The following MPZL1 variants were observed in gnomAD, a reference collection of about 807,000 sequenced individuals.
MPZL1 encodes the protein myelin protein zero like 1, also known as myelin protein zero-like protein 1.
In MPZL1, 16 loss-of-function variants were observed where a neutral mutation model predicts 29.3. The observed-to-expected ratio is 0.55, with a 90% CI of 0.37 to 0.83. MPZL1 has a LOEUF of 0.83. MPZL1 is among the 40% of genes least tolerant of loss of function. The pLI, the probability that MPZL1 is intolerant of heterozygous loss-of-function variation, is 0.00. For synonymous variants in MPZL1, 143 were observed against 132.0 expected (o/e 1.08, Z -0.57); for missense variants, 279 against 332.9 (o/e 0.84, Z 1.26).
intron 1 of MPZL1, among the ~76,000 whole-genome samples, chr1:167,725,356 A>C (rs1449491446): frequency 6.6e-6 from 1 of 152,190 alleles, no homozygotes; most frequent in East Asian, 1.9e-4. Flanking sequence ...ATCTCGGCTT[A>C]CTGCAACCTC....
At chr1:167,787,572 A>G (rs1661615082) in intron 5 of MPZL1, among the ~76,000 whole-genome samples, 1 of 152,210 alleles carries the variant, frequency 6.6e-6, no homozygotes, top group Non-Finnish European at 1.5e-5. Flanking sequence ...TCAAACATCA[A>G]AAAGGTTTGA....
At chr1:167,784,624 T>C (rs914428764) in intron 5 of MPZL1, among the ~76,000 whole-genome samples, 3 of 152,176 alleles carry the variant, frequency 2.0e-5, no homozygotes, top group Non-Finnish European at 2.9e-5. Context: ...GCACTCAGAA[T>C]CAAACTTCAT....
intron 1 of MPZL1, among the ~76,000 whole-genome samples, chr1:167,723,200 AT>A (rs1451290706): frequency 6.6e-6 from 1 of 152,188 alleles, no homozygotes; most frequent in African/African-American, 2.4e-5. Flanking sequence ...AACCACGTAG[AT>A]TTTTTTCATT....
chr1:167,739,268 T>TATATAC (rs1376992016), intron 1 of MPZL1, among the ~76,000 whole-genome samples: 21 of 98,500 alleles, frequency 2.1e-4, no homozygotes, highest in African/African-American at 1.0e-3. Flanking sequence ...TACACATACA[T>TATATAC]ATATACATAT....
intron 1 of MPZL1, among the ~76,000 whole-genome samples, chr1:167,722,668 G>C (rs1660060292): frequency 6.6e-6 from 1 of 152,182 alleles, no homozygotes; most frequent in Non-Finnish European, 1.5e-5. Flanking sequence ...GGGAGGTGGC[G>C]GAAAGTTGCA....
intron 1 of MPZL1, among the ~76,000 whole-genome samples, chr1:167,758,119 A>G (rs1481939088): frequency 2.0e-5 from 3 of 151,384 alleles, no homozygotes; most frequent in Non-Finnish European, 4.4e-5. Flanking sequence ...GCTCCACTGC[A>G]CTCCAGCCTG....
chr1:167,790,877 CAT>C lies in MPZL1; in HGVS notation c.*2959_*2960del, dbSNP rs1661697781. On this transcript the variant is annotated 3_prime_UTR_variant, in exon 6 of 6. Transcript: ENST00000359523. ...TAGAAAAAGAGATATGCCTTTCACT[CAT>C]ATCATTCCAGCTACACCTGCCTTCT... 6.6e-6 allele frequency: 1 copy of C among 152,178 alleles called. No homozygotes were observed. Among genetic ancestry groups the C allele is most frequent in the South Asian group, 2.1e-4 (1 of 4,830 alleles). The allele number at this position is 152,178 out of a possible 1,614,324, so 9.4% of individuals were successfully genotyped here.
At chr1:167,750,403 T>C (rs1201648021) in intron 1 of MPZL1, among the ~76,000 whole-genome samples, 1 of 152,122 alleles carries the variant, frequency 6.6e-6, no homozygotes, top group Non-Finnish European at 1.5e-5. Flanking sequence ...GGTTTCATCA[T>C]ATTGGTTAGG....
At position 167,770,204 on chromosome 1, in the gene MPZL1, C is replaced by T. The variant is rs79506247; in HGVS notation, c.259-2071C>T. On this transcript the variant is annotated intron_variant, in intron 2 of 5. Transcript: ENST00000359523. ...GATGAGTCTGCACTGGGGTTTTCAC[C>T]GTGCTCAAAGGGTTCTGAAAATGTT... Among the ~76,000 whole-genome samples the T allele has an allele frequency of 2.2e-4, 33 of 152,248 alleles. 2 individuals are homozygous for T. In the East Asian group the frequency reaches 5.2e-3, roughly 24 times the overall value.
At chr1:167,738,040 C>T (rs1332127673) in intron 1 of MPZL1, among the ~76,000 whole-genome samples, 3 of 152,182 alleles carry the variant, frequency 2.0e-5, no homozygotes. Context: ...ATTCTCCTGC[C>T]TCAGCCTCTT....
chr1:167,744,772 C>T (rs1660610424), intron 1 of MPZL1, among the ~76,000 whole-genome samples: 1 of 151,350 alleles, frequency 6.6e-6, no homozygotes, highest in Non-Finnish European at 1.5e-5. Context: ...AAGTTATAGA[C>T]TCCAACAACT....
intron 4 of MPZL1, chr1:167,774,794 A>C (rs1661331796): frequency 6.6e-6 from 1 of 152,236 alleles, no homozygotes; most frequent in Non-Finnish European, 1.5e-5. Context: ...CATAGAAGAC[A>C]CATTGGGACT....
At chr1:167,722,291 G>A in intron 1 of MPZL1, 49 bp downstream of exon 1, 1 of 1,232,684 alleles carries the variant, frequency 8.1e-7, no homozygotes, top group Non-Finnish European at 1.0e-6. Flanking sequence ...GGGCCCCCGG[G>A]CCCGACACAC....
intron 1 of MPZL1, among the ~76,000 whole-genome samples, chr1:167,735,316 C>G (rs550221355): frequency 3.3e-5 from 5 of 152,284 alleles, no homozygotes; most frequent in African/African-American, 4.8e-5. Flanking sequence ...ATTGCCACAT[C>G]ATACCCATAC....
chr1:167,786,274 C>T (rs1312378278), intron 5 of MPZL1, among the ~76,000 whole-genome samples: 2 of 152,136 alleles, frequency 1.3e-5, no homozygotes, highest in African/African-American at 4.8e-5. Context: ...TTTACTTGAC[C>T]AGTTACCTCA....
chr1:167,778,496 A>T (rs1244260087), intron 5 of MPZL1, among the ~76,000 whole-genome samples: 1 of 151,692 alleles, frequency 6.6e-6, no homozygotes, highest in African/African-American at 2.4e-5. Flanking sequence ...TATCTCAAAT[A>T]AATAGATGGG....
chr1:167,781,101 A>G (rs1661487049), intron 5 of MPZL1, among the ~76,000 whole-genome samples: 1 of 152,158 alleles, frequency 6.6e-6, no homozygotes, highest in Non-Finnish European at 1.5e-5. Flanking sequence ...GCTTGAAAGT[A>G]AGTGAAGTAA....
intron 1 of MPZL1, among the ~76,000 whole-genome samples, chr1:167,731,751 CA>C (rs959540690): frequency 1.9e-3 from 252 of 134,634 alleles, no homozygotes; most frequent in Middle Eastern, 3.7e-3. Context: ...AACTGTGTCT[CA>C]AAAAAAAAAA....
chr1:167,761,776 G>C (rs1026709575), intron 1 of MPZL1, among the ~76,000 whole-genome samples: 1 of 152,162 alleles, frequency 6.6e-6, no homozygotes, highest in Non-Finnish European at 1.5e-5. Flanking sequence ...GCTGTGGTCA[G>C]CCACCCTGGT....
Sources: gnomAD v4.1 joint callset for allele counts (sites outside exome capture counted in the v4.1 genomes callset) on GRCh38, gnomAD v4.1.1 for gene constraint, MANE v1.5 for transcripts, NCBI Gene and HGNC (gene_info 2026-07-23, HGNC 2026-07-21) for gene names.